The following CCSER1 variants were observed in gnomAD, a reference collection of about 807,000 sequenced individuals.
CCSER1 encodes the protein serine-rich coiled-coil domain-containing protein 1.
Under a neutral mutation model 82.0 loss-of-function variants are expected in CCSER1, and 41 were observed. The ratio of observed to expected loss-of-function variants is 0.50; its 90% CI spans 0.39 to 0.65. CCSER1 has a LOEUF of 0.65. CCSER1 is among the 30% of genes least tolerant of loss of function. The probability of loss-of-function intolerance (pLI) is 0.00; values close to 1 mark genes in which losing one functional copy is unlikely to be tolerated. For missense variants in CCSER1, 1,119 were observed against 1,064.2 expected (o/e 1.05, Z -0.72); for synonymous variants, 414 against 383.9 (o/e 1.08, Z -0.92).
At chr4:91,294,215 T>A (rs923301253) in intron 10 of CCSER1, among the ~76,000 whole-genome samples, 14 of 151,984 alleles carry the variant, frequency 9.2e-5, no homozygotes, top group African/African-American at 3.4e-4. Context: ...CATTTCTAAA[T>A]CATCAGCAAT....
chr4:91,068,310 G>C (rs1721055083), intron 9 of CCSER1, among the ~76,000 whole-genome samples: 1 of 152,158 alleles, frequency 6.6e-6, no homozygotes, highest in Non-Finnish European at 1.5e-5. Flanking sequence ...AGGATATTAA[G>C]TTACAGTATG....
In CCSER1 at chr4:91,061,805, T is replaced by G. The variant is rs536255187; in HGVS notation, c.2173-24145T>G. ...TGGTAGGGTAGAGGCTTTGCCTATTTTGTTCCTCAATGTAGCACAGCATAG... is the reference window on the plus strand; with the variant it reads ...TGGTAGGGTAGAGGCTTTGCCTATTGTGTTCCTCAATGTAGCACAGCATAG... On this transcript the variant is annotated intron_variant, in intron 9 of 10. Coordinates refer to ENST00000509176, the MANE Select transcript of CCSER1 (RefSeq NM_001145065.2). Among the ~76,000 whole-genome samples, 6 of 152,224 alleles carry G rather than the reference T, an allele frequency of 3.9e-5. 1 individual carries two copies. In the South Asian group the frequency reaches 1.2e-3, roughly 32 times the overall value.
chr4:90,144,299 T>C (rs1054945336), intron 1 of CCSER1, among the ~76,000 whole-genome samples: 2 of 152,122 alleles, frequency 1.3e-5, no homozygotes, highest in Admixed American at 1.3e-4. Context: ...CTGCTATTCA[T>C]TGGATTAATT....
chr4:90,534,525 T>C (rs1775060759), intron 5 of CCSER1, among the ~76,000 whole-genome samples: 1 of 151,658 alleles, frequency 6.6e-6, no homozygotes, highest in Non-Finnish European at 1.5e-5. Context: ...AACTTTACTA[T>C]GGACGAGCCC....
At chr4:91,338,401 G>A (rs993374795) in intron 10 of CCSER1, among the ~76,000 whole-genome samples, 5 of 152,196 alleles carry the variant, frequency 3.3e-5, no homozygotes, top group African/African-American at 7.2e-5. Flanking sequence ...CCCTTGGGGC[G>A]TGACTTCTGG....
At chr4:91,011,403 G>T (rs1738995299) in intron 9 of CCSER1, among the ~76,000 whole-genome samples, 1 of 134,332 alleles carries the variant, frequency 7.4e-6, no homozygotes, top group African/African-American at 2.5e-5. Context: ...CTGTAGCAGT[G>T]CTGGGTTCCA....
intron 5 of CCSER1, among the ~76,000 whole-genome samples, chr4:90,492,391 A>G (rs552987097): frequency 6.6e-6 from 1 of 152,188 alleles, no homozygotes; most frequent in South Asian, 2.1e-4. Context: ...TATTGCATCC[A>G]TTTGATTCTT....
chr4:91,270,044 G>A (rs2149180657), intron 10 of CCSER1, among the ~76,000 whole-genome samples: 1 of 152,284 alleles, frequency 6.6e-6, no homozygotes, highest in East Asian at 1.9e-4. Flanking sequence ...TTTTGCCGCA[G>A]AGATATTAAT....
rs1561348506 is a variant in CCSER1, at chr4:90,911,798, GA to G, written c.2095-11571del. 2.0e-5 allele frequency among the ~76,000 whole-genome samples: 3 copies of G among 152,106 alleles called. No individual in the cohort carries two copies. The South Asian group carries it at 6.2e-4, about 32-fold the overall frequency. On this transcript the variant is annotated intron_variant, in intron 8 of 10. Coordinates refer to ENST00000509176, the MANE Select transcript of CCSER1 (RefSeq NM_001145065.2). ...TCCCAACCTAATACTGCGCTTTTCC[GA>G]TGGTCTTAGCAAACGGCACACCAGG...
intron 3 of CCSER1, among the ~76,000 whole-genome samples, chr4:90,334,715 A>G (rs954767275): frequency 1.3e-5 from 2 of 152,150 alleles, no homozygotes; most frequent in African/African-American, 4.8e-5. Context: ...AATTAAATCT[A>G]TTAGGGAGAA....
chr4:91,526,189 A>G (rs1362104800), intron 10 of CCSER1, among the ~76,000 whole-genome samples: 2 of 152,170 alleles, frequency 1.3e-5, no homozygotes, highest in Non-Finnish European at 2.9e-5. Context: ...GCTAGCTAAA[A>G]GCTTCCTCTA....
intron 9 of CCSER1, among the ~76,000 whole-genome samples, chr4:90,972,558 G>T (rs1455390184): frequency 1.3e-5 from 2 of 151,592 alleles, no homozygotes; most frequent in Admixed American, 6.6e-5. Flanking sequence ...CCATGTTAAT[G>T]GATTGGAAAA....
chr4:91,387,637 C>T (rs1236092129), intron 10 of CCSER1, among the ~76,000 whole-genome samples: 4 of 151,976 alleles, frequency 2.6e-5, no homozygotes, highest in Admixed American at 2.0e-4. Context: ...CAAGATGGGG[C>T]TACTAGGGCC....
At chr4:90,674,391 A>ATGATG (rs1342814328) in intron 6 of CCSER1, among the ~76,000 whole-genome samples, 1 of 151,876 alleles carries the variant, frequency 6.6e-6, no homozygotes, top group Non-Finnish European at 1.5e-5. Context: ...TGACTCTAGC[A>ATGATG]TGATGAAGGG....
At chr4:91,138,280 C>T (rs1427461497) in intron 10 of CCSER1, among the ~76,000 whole-genome samples, 1 of 41,620 alleles carries the variant, frequency 2.4e-5, no homozygotes, top group African/African-American at 7.3e-5. Flanking sequence ...GAAATAACAC[C>T]GCATACCTAC....
At chr4:90,569,591 GA>G (rs1336585232) in intron 5 of CCSER1, among the ~76,000 whole-genome samples, 2 of 152,194 alleles carry the variant, frequency 1.3e-5, no homozygotes, top group Non-Finnish European at 2.9e-5. Flanking sequence ...GAGTTCTTAT[GA>G]CCTCCATAGA....
At chr4:91,393,610 A>G (rs1319474841) in intron 10 of CCSER1, among the ~76,000 whole-genome samples, 1 of 152,082 alleles carries the variant, frequency 6.6e-6, no homozygotes, top group Non-Finnish European at 1.5e-5. Context: ...TGTTGGTAAA[A>G]TTTTGAGTGA....
intron 3 of CCSER1, among the ~76,000 whole-genome samples, chr4:90,386,306 G>T (rs368132222): frequency 6.6e-6 from 1 of 152,044 alleles, no homozygotes; most frequent in Non-Finnish European, 1.5e-5. Context: ...AAGCAGATAC[G>T]TACACAAATT....
intron 8 of CCSER1, among the ~76,000 whole-genome samples, chr4:90,854,296 G>T (rs1350486340): frequency 1.3e-5 from 2 of 152,168 alleles, no homozygotes; most frequent in Non-Finnish European, 2.9e-5. Flanking sequence ...TCCTGGATAA[G>T]GATAGTGAGC....
Sources: gnomAD v4.1 joint callset for allele counts (sites outside exome capture counted in the v4.1 genomes callset) on GRCh38, gnomAD v4.1.1 for gene constraint, MANE v1.5 for transcripts, NCBI Gene and HGNC (gene_info 2026-07-23, HGNC 2026-07-21) for gene names.